The following OTUD6B variants were observed in gnomAD, a reference collection of about 807,000 sequenced individuals.
OTUD6B encodes deubiquitinase OTUD6B.
Under a neutral mutation model 36.9 loss-of-function variants are expected in OTUD6B, and 41 were observed. The observed-to-expected ratio is 1.11, with a 90% CI of 0.87 to 1.44. The LOEUF (loss-of-function observed/expected upper bound fraction) is 1.44, where lower values mean the gene tolerates loss of function less well. Among genes scored for constraint, OTUD6B ranks in the 40% most tolerant of loss-of-function variants. The pLI is 0.00. For missense variants in OTUD6B, 356 were observed against 344.8 expected (o/e 1.03, Z -0.26); for synonymous variants, 114 against 114.2 (o/e 1.00, Z 0.01).
chr8:91,075,110 A>G (rs1185334643), intron 3 of OTUD6B, among the ~76,000 whole-genome samples: 2 of 152,072 alleles, frequency 1.3e-5, no homozygotes, highest in Admixed American at 6.6e-5. Context: ...TATGCCTCTT[A>G]AAAAATTAAA....
intron 5 of OTUD6B, among the ~76,000 whole-genome samples, chr8:91,082,115 G>A (rs969043422): frequency 1.3e-5 from 2 of 152,104 alleles, no homozygotes; most frequent in African/African-American, 4.8e-5. Flanking sequence ...TCTGAAGTTA[G>A]AAGGCATAGT....
At chr8:91,079,970 C>A (rs1812870466) in intron 4 of OTUD6B, among the ~76,000 whole-genome samples, 1 of 152,120 alleles carries the variant, frequency 6.6e-6, no homozygotes, top group Non-Finnish European at 1.5e-5. Context: ...TCCATAATTT[C>A]TTTCCTTCCA....
chr8:91,083,743 C>T (rs117126631), intron 5 of OTUD6B: 198 of 152,936 alleles, frequency 1.3e-3, no homozygotes, highest in Non-Finnish European at 2.1e-3. Context: ...CAAGATATCT[C>T]ATGTAGTATA....
rs774595463 is a variant in OTUD6B, at chr8:91,084,025, C to T, written c.708C>T (p.His236=). The change falls in exon 6 of 7, where the codon CAC becomes CAT. Residue 236 remains histidine (H), a synonymous_variant. Transcript: ENST00000404789. ...GGQLELRALS[H]ILQTPIEIIQ... is the part of the protein sequence containing the mutation. ...TCCTATAGCTAAGAGCTCTGTCTCA[C>T]ATTTTACAAACACCAATAGAGATAA... The T allele has an allele frequency of 1.3e-6, 2 of 1,572,920 alleles. No individual in the cohort carries two copies. The highest frequency in any genetic ancestry group is 1.4e-5 in the African/African-American group (1 of 73,968).
intron 3 of OTUD6B, among the ~76,000 whole-genome samples, chr8:91,077,650 A>G (rs1812826857): frequency 6.6e-6 from 1 of 151,994 alleles, no homozygotes; most frequent in Non-Finnish European, 1.5e-5. Flanking sequence ...CATTTGCATA[A>G]GGAAAGCAAA....
chr8:91,084,206 G>T, intron 6 of OTUD6B, 92 bp downstream of exon 6: 1 of 730,394 alleles, frequency 1.4e-6, no homozygotes, highest in South Asian at 2.1e-5. Flanking sequence ...TAAAATATGT[G>T]ACTTAGATAA....
chr8:91,073,762 T>G (rs1471364747), intron 2 of OTUD6B, 69 bp from the exon 3 acceptor site: 1 of 1,459,046 alleles, frequency 6.9e-7, no homozygotes. Flanking sequence ...AATGTGGGAT[T>G]AGATATATTT....
chr8:91,070,356 T>C lies in OTUD6B; in HGVS notation c.-29T>C. ...CCTACTAGCCGGTGCAGGTTTCTTC[T>C]AGCGCGTGTGCTGGGGTACCTGGTC... On this transcript the variant is annotated 5_prime_UTR_variant, in exon 1 of 7. Transcript: ENST00000404789. 3.1e-6 allele frequency: 5 copies of C among 1,612,914 alleles called. No homozygotes were observed. The highest frequency in any genetic ancestry group is 4.2e-6 in the Non-Finnish European group (5 of 1,179,434).
chr8:91,075,406 C>T (rs1466719742), intron 3 of OTUD6B, among the ~76,000 whole-genome samples: 2 of 151,986 alleles, frequency 1.3e-5, no homozygotes, highest in Non-Finnish European at 2.9e-5. Context: ...GTAATTGAAA[C>T]ATCTTATAAT....
Position 91,085,892 on chromosome 8 carries a change from CTTATT to C in OTUD6B, c.*1030_*1034del, listed in dbSNP as rs878927230. 6 of 152,140 alleles carry C rather than the reference CTTATT, an allele frequency of 3.9e-5. No homozygotes were observed. In the East Asian group the frequency reaches 7.7e-4, roughly 20 times the overall value. 9.4% of individuals were successfully genotyped at this position (152,140 alleles called of 1,614,324 possible). On this transcript the variant is annotated 3_prime_UTR_variant, in exon 7 of 7. Coordinates refer to ENST00000404789, the MANE Select transcript of OTUD6B (RefSeq NM_016023.5). ...TAGGATTTGAATAAAACCTTTGCCACTTATTTTATTAGCCTTATTAATGTCACCTT... is the reference window on the plus strand; with the variant it reads ...TAGGATTTGAATAAAACCTTTGCCACTTATTAGCCTTATTAATGTCACCTT...
At position 91,080,726 on chromosome 8, in the gene OTUD6B, T is replaced by C. The variant is rs150848976; in HGVS notation, c.686T>C (p.Leu229Pro). 185 of 1,597,452 alleles carry C rather than the reference T, an allele frequency of 1.2e-4. No homozygotes were observed. The highest frequency in any genetic ancestry group is 2.8e-4 in the Admixed American group (16 of 58,018). ...AACACAGCTGCATGGGGAGGTCAGC[T>C]TGAGGTAAGTTTGTAGTTATTCATA... ...IVNTAAWGGQ[L>P]ELRALSHILQ... The change falls in exon 5 of 7, where the codon CTT becomes CCT. Residue 229 changes from leucine (L) to proline (P), a missense_variant. By Grantham distance (98) the Leu-to-Pro change is moderately conservative. Transcript: ENST00000404789.
In OTUD6B at chr8:91,072,941, TG is replaced by T. The variant is rs561026623; in HGVS notation, c.235-889del. 1.5e-4 allele frequency among the ~76,000 whole-genome samples: 23 copies of T among 151,876 alleles called. No individual in the cohort carries two copies. In the South Asian group the frequency reaches 4.4e-3, roughly 29 times the overall value. ...GAATACTACCAAAAACTAATGCCATTGCTTTTTTGTTTTTCAGATGCATCTC... is the reference window on the plus strand; with the variant it reads ...GAATACTACCAAAAACTAATGCCATTCTTTTTTGTTTTTCAGATGCATCTC... On this transcript the variant is annotated intron_variant, in intron 2 of 6. Transcript: ENST00000404789.
Position 91,084,093 on chromosome 8 carries a change from C to A in OTUD6B, c.776C>A (p.Ser259Ter), listed in dbSNP as rs1563584212. Residue 259 changes from serine (S) to a stop codon, truncating the protein, a stop_gained, in exon 6 of 7, where the codon TCA becomes TAA. Transcript: ENST00000404789. LOFTEE classifies it high-confidence loss of function. ...SPPIIVGEEY[S>*]KKPLILVYMR... The stretch of plus-strand genomic sequence containing the variant: ...CCCATTATAGTTGGTGAAGAATATT[C>A]AAAAAAACCACTAATACTTGTGTAA... The A allele has an allele frequency of 6.5e-7, 1 of 1,546,172 alleles. No homozygotes were observed. The highest frequency in any genetic ancestry group is 1.7e-4 in the Middle Eastern group (1 of 5,924).
chr8:91,075,280 G>A (rs1294693724), intron 3 of OTUD6B, among the ~76,000 whole-genome samples: 1 of 151,942 alleles, frequency 6.6e-6, no homozygotes, highest in African/African-American at 2.4e-5. Context: ...TGTCTGCTTA[G>A]GATATGCATT....
intron 5 of OTUD6B, 50 bp from the exon 6 acceptor site, chr8:91,083,958 T>A: frequency 6.5e-7 from 1 of 1,540,810 alleles, no homozygotes; most frequent in African/African-American, 1.4e-5. Context: ...CATATTTGAA[T>A]GTGATTTACA....
intron 1 of OTUD6B, chr8:91,070,919 C>A: frequency 2.2e-6 from 1 of 458,714 alleles, no homozygotes; most frequent in Non-Finnish European, 2.9e-6. Flanking sequence ...GCCAAACAAC[C>A]GAAACATATT....
intron 2 of OTUD6B, among the ~76,000 whole-genome samples, chr8:91,071,929 C>A (rs911786446): frequency 2.0e-5 from 3 of 152,178 alleles, no homozygotes. Context: ...TCTTTCTGAG[C>A]TCAAATTTTC....
rs1812840583 is a variant in OTUD6B at position 91,078,440 on chromosome 8, GAAAGTGAGAA to G, written c.402_411del (p.Glu134AspfsTer11). 6.2e-7 allele frequency: 1 copy of G among 1,601,316 alleles called. No individual in the cohort carries two copies. Among genetic ancestry groups the G allele is most frequent in the Non-Finnish European group, 8.5e-7 (1 of 1,173,202 alleles). ...AAACTTAACAGGAGCCAGACATATG[GAAAGTGAGAA>G]ACTTGCTCAAATATTGGCAGCTAGA... is the stretch of plus-strand genomic sequence containing the variant. On this transcript the variant is annotated frameshift_variant, in exon 4 of 7. Coordinates refer to ENST00000404789, the MANE Select transcript of OTUD6B (RefSeq NM_016023.5). LOFTEE classifies it high-confidence loss of function.
chr8:91,073,237 C>T (rs1812731898), intron 2 of OTUD6B, among the ~76,000 whole-genome samples: 1 of 152,062 alleles, frequency 6.6e-6, no homozygotes, highest in African/African-American at 2.4e-5. Context: ...AGTTAAAAGT[C>T]TAGCATCTTT....
Sources: allele counts gnomAD v4.1 joint callset (sites outside exome capture counted in the v4.1 genomes callset), GRCh38; gene constraint gnomAD v4.1.1; transcripts MANE v1.5; gene names NCBI Gene and HGNC (gene_info 2026-07-23, HGNC 2026-07-21).